The following MYO7B variants were observed in gnomAD, a reference collection of about 807,000 sequenced individuals.
MYO7B encodes myosin VIIB.
A neutral mutation model predicts 259.7 loss-of-function variants in MYO7B; 212 were observed. That is an observed-to-expected ratio of 0.82 (90% CI 0.73 to 0.91). The LOEUF is 0.91. Among genes scored for constraint, MYO7B ranks in the 40% least tolerant of loss-of-function variants. The pLI is 0.00. For missense variants in MYO7B, 2,732 were observed against 2,813.5 expected, an observed-to-expected ratio of 0.97 and a Z score of 0.66; for synonymous variants, 1,197 against 1,166.4, an observed-to-expected ratio of 1.03 and a Z score of -0.54.
chr2:127,578,371 C>T, intron 9 of MYO7B, 85 bp downstream of exon 9: 1 of 1,533,736 alleles, frequency 6.5e-7, no homozygotes, highest in Non-Finnish European at 8.9e-7. Context: ...GGGGTTCTCA[C>T]AGGAAGGATC....
intron 2 of MYO7B, among the ~76,000 whole-genome samples, chr2:127,563,365 G>A (rs1678184171): frequency 6.6e-6 from 1 of 152,198 alleles, no homozygotes; most frequent in Non-Finnish European, 1.5e-5. Context: ...TTCATGAGGT[G>A]TCAATGCCAC....
At chr2:127,612,708 G>A in intron 26 of MYO7B, 105 bp downstream of exon 26, 1 of 1,477,164 alleles carries the variant, frequency 6.8e-7, no homozygotes, top group Non-Finnish European at 9.0e-7. Context: ...ACACCTCCTT[G>A]TCCTGCGGCC....
rs1346836253 is a variant in MYO7B, at chr2:127,576,808, T to TGGCC, written c.849+103_849+106dup. On this transcript the variant is annotated intron_variant, in intron 8 of 47. Transcript: ENST00000409816. This position sits in a 1 kb window ranked among gnomAD's most constrained non-coding sequence, Gnocchi z 4.9. ...CGACAGCTGCAGAGAAGCCCAACGC[T>TGGCC]GGCCGGGCCCCTGAGGCGGGGCTGG... The TGGCC allele has an allele frequency of 1.2e-6, 1 of 817,794 alleles. No individual in the cohort carries two copies. Among genetic ancestry groups the TGGCC allele is most frequent in the Non-Finnish European group, 1.9e-6 (1 of 530,810 alleles). 50.7% of individuals were successfully genotyped at this position (817,794 alleles called of 1,614,324 possible). A position where few individuals can be genotyped will look rare whatever the true frequency, so the allele number is the denominator to read the frequency against.
intron 43 of MYO7B, 156 bp from the exon 44 acceptor site, chr2:127,635,566 A>G (rs1681753188): frequency 1.2e-6 from 1 of 818,448 alleles, no homozygotes; most frequent in Admixed American, 2.8e-5. Flanking sequence ...GCCCTGACTC[A>G]GGGTCATTCC....
In MYO7B at chr2:127,582,129, G is replaced by A. The variant is rs1288788294; in HGVS notation, c.1200+119G>A. 3.3e-6 allele frequency: 5 copies of A among 1,516,628 alleles called. No individual in the cohort carries two copies. The African/African-American group carries it at 5.5e-5, about 17-fold the overall frequency. 93.9% of individuals were successfully genotyped at this position (1,516,628 alleles called of 1,614,324 possible). On this transcript the variant is annotated intron_variant, in intron 11 of 47. Coordinates refer to ENST00000409816, the MANE Select transcript of MYO7B (RefSeq NM_001393586.1). Reference sequence around the variant, plus strand: ...CCCTGGGCAGGTCCCCACTCTGCCAGTCACCTGCCTGGTGACCATGGACTC... The same window carrying A: ...CCCTGGGCAGGTCCCCACTCTGCCAATCACCTGCCTGGTGACCATGGACTC...
chr2:127,621,943 C>A, intron 27 of MYO7B, 39 bp from the exon 28 acceptor site: 2 of 1,551,648 alleles, frequency 1.3e-6, no homozygotes, highest in South Asian at 1.2e-5. Flanking sequence ...GGCCTCCTTT[C>A]TGAGTGTCTT....
Position 127,546,081 on chromosome 2 carries a change from G to T in MYO7B, c.-24+10250G>T, listed in dbSNP as rs887573882. Among the ~76,000 whole-genome samples, 6 of 152,226 alleles carry T rather than the reference G, an allele frequency of 3.9e-5. No homozygotes were observed. The highest frequency in any genetic ancestry group is 1.4e-4 in the African/African-American group (6 of 41,462). ...GGGAGCAGGGAATAGGCAGTCAGCT[G>T]GTGGCATAGGAGAACTTCCAAGTCT... On this transcript the variant is annotated intron_variant, in intron 1 of 47. Coordinates refer to ENST00000409816, the MANE Select transcript of MYO7B (RefSeq NM_001393586.1). This position sits in a 1 kb window ranked among gnomAD's most constrained non-coding sequence, Gnocchi z 4.2.
At chr2:127,547,486 C>G (rs1297472422) in intron 1 of MYO7B, among the ~76,000 whole-genome samples, 1 of 152,128 alleles carries the variant, frequency 6.6e-6, no homozygotes, top group Admixed American at 6.6e-5. Flanking sequence ...TCAGGAACTG[C>G]ATGATATTCA....
intron 42 of MYO7B, 119 bp downstream of exon 42, chr2:127,634,802 T>C: frequency 1.9e-6 from 2 of 1,034,972 alleles, no homozygotes; most frequent in Non-Finnish European, 2.9e-6. Flanking sequence ...TGTCCCTGGG[T>C]TGTGGGAACA....
Position 127,637,422 on chromosome 2 carries a change from G to C in MYO7B, c.*5G>C, listed in dbSNP as rs773296158. On this transcript the variant is annotated 3_prime_UTR_variant, in exon 48 of 48. Transcript: ENST00000409816. ...CCAGCCCTGGCCAGCACCTAGCAGC[G>C]GATGCTGGCGTGTCTGCTCAGGCGC... The C allele has an allele frequency of 3.3e-6, 5 of 1,506,294 alleles. No homozygotes were observed. Among genetic ancestry groups the C allele is most frequent in the Non-Finnish European group, 4.4e-6 (5 of 1,125,732 alleles). The allele number at this position is 1,506,294 out of a possible 1,614,324, so 93.3% of individuals were successfully genotyped here. A position where few individuals can be genotyped will look rare whatever the true frequency, so the allele number is the denominator to read the frequency against.
Position 127,571,308 on chromosome 2 carries a change from C to A in MYO7B, c.592+1398C>A, listed in dbSNP as rs138689982. On this transcript the variant is annotated intron_variant, in intron 6 of 47. Coordinates refer to ENST00000409816, the MANE Select transcript of MYO7B (RefSeq NM_001393586.1). Reference sequence around the variant, plus strand: ...TGGAGCATGCTTGTAACTCCCGTGGCCCTGACGACTAAGGATGTTAGCGTC... The same window carrying A: ...TGGAGCATGCTTGTAACTCCCGTGGACCTGACGACTAAGGATGTTAGCGTC... Among the ~76,000 whole-genome samples the A allele has an allele frequency of 1.9e-3, 282 of 152,230 alleles. 1 individual carries two copies. Among genetic ancestry groups the A allele is most frequent in the African/African-American group, 6.4e-3 (265 of 41,526 alleles).
intron 17 of MYO7B, among the ~76,000 whole-genome samples, 197 bp downstream of exon 17, chr2:127,593,143 C>T (rs1223014204): frequency 1.3e-5 from 2 of 152,198 alleles, no homozygotes; most frequent in African/African-American, 4.8e-5. Context: ...AGTGAGGGGG[C>T]TTTCCCTGGG....
chr2:127,584,795 GC>G lies in MYO7B; in HGVS notation c.1573del (p.Leu525CysfsTer4), dbSNP rs1384356460. The stretch of plus-strand genomic sequence containing the variant: ...TCTTCCAGGGGACAGATCTCACCAT[GC>G]TGCAAAAGCTGAACAGCGTCCATGC... ...RFPQGTDLTMLQKLNSVHANN... is the reference protein window; with the variant it reads ...RFPQGTDLTMXQKLNSVHANN... On this transcript the variant is annotated frameshift_variant, in exon 14 of 48. Coordinates refer to ENST00000409816, the MANE Select transcript of MYO7B (RefSeq NM_001393586.1). LOFTEE classifies it high-confidence loss of function. This position sits in a 1 kb window ranked among gnomAD's most constrained non-coding sequence, Gnocchi z 5.8. 5 of 1,613,812 alleles carry G rather than the reference GC, an allele frequency of 3.1e-6. No individual in the cohort carries two copies. The African/African-American group carries it at 6.7e-5, about 22-fold the overall frequency.
At chr2:127,549,426 C>T (rs957791773) in intron 1 of MYO7B, among the ~76,000 whole-genome samples, 5 of 152,100 alleles carry the variant, frequency 3.3e-5, no homozygotes, top group Admixed American at 3.3e-4. Context: ...AGGTAGTGAG[C>T]GTGGCACTCA....
rs144701865 is a variant in MYO7B at position 127,637,206 on chromosome 2, C to T, written c.6328-110C>T. The T allele has an allele frequency of 7.4e-6, 7 of 948,164 alleles. No homozygotes were observed. In the African/African-American group the frequency reaches 1.1e-4, roughly 15 times the overall value. 58.7% of individuals were successfully genotyped at this position (948,164 alleles called of 1,614,324 possible). ...AATGGCAGGAGCCCGCCTTCCCTTT[C>T]TCCATGCCCTGCACTGCTGGTTGCT... On this transcript the variant is annotated intron_variant, in intron 47 of 47. Transcript: ENST00000409816.
chr2:127,563,851 A>G lies in MYO7B; in HGVS notation c.19-302A>G, dbSNP rs1678208215. ...CCACTCAGCCACACCACCTTCCTAA[A>G]TAGTAGCCAAGTTTCTTTTTCATTA... On this transcript the variant is annotated intron_variant, in intron 2 of 47. Transcript: ENST00000409816. Among the ~76,000 whole-genome samples, 3 of 152,180 alleles carry G rather than the reference A, an allele frequency of 2.0e-5. No individual in the cohort carries two copies. In the South Asian group the frequency reaches 6.2e-4, roughly 32 times the overall value.
In MYO7B at chr2:127,628,919, A is replaced by G. The variant is rs1355646033; in HGVS notation, c.4624+384A>G. On this transcript the variant is annotated intron_variant, in intron 34 of 47. Coordinates refer to ENST00000409816, the MANE Select transcript of MYO7B (RefSeq NM_001393586.1). This position sits in a 1 kb window ranked among gnomAD's most constrained non-coding sequence, Gnocchi z 4.8. The stretch of plus-strand genomic sequence containing the variant: ...CAGACGTGAGGCCAGAGGCCCAGAG[A>G]TGGAAGTAGCTCACCCAGGGTCACA... Among the ~76,000 whole-genome samples, 7 of 152,174 alleles carry G rather than the reference A, an allele frequency of 4.6e-5. No individual in the cohort carries two copies.
chr2:127,588,442 G>T lies in MYO7B; in HGVS notation c.1741G>T (p.Val581Phe), dbSNP rs947174362. ...GCTGAGCACAGATATCCTCACCCTG[G>T]TTTACTCCTCCAAAAACAAGTTTCT... ...DVLSTDILTL[V>F]YSSKNKFLRE... Residue 581 changes from valine (V) to phenylalanine (F), a missense_variant, in exon 15 of 48, where the codon GTT (valine) becomes TTT (phenylalanine). Physicochemically the swap from Val to Phe is conservative, Grantham distance 50 (BLOSUM62 -1). This residue lies in a region of MYO7B where 1,906 missense variants were observed against 2,026.4 expected (regional missense o/e 0.94). Transcript: ENST00000409816. The T allele has an allele frequency of 1.9e-6, 3 of 1,613,192 alleles. No individual in the cohort carries two copies. The highest frequency in any genetic ancestry group is 2.5e-6 in the Non-Finnish European group (3 of 1,179,858).
At position 127,584,628 on chromosome 2, in the gene MYO7B, T is replaced by A. The variant is rs542684575; in HGVS notation, c.1555-150T>A. 25 of 962,164 alleles carry A rather than the reference T, an allele frequency of 2.6e-5. No homozygotes were observed. The African/African-American group carries it at 3.6e-4, about 14-fold the overall frequency. 59.6% of individuals were successfully genotyped at this position (962,164 alleles called of 1,614,324 possible). A position where few individuals can be genotyped will look rare whatever the true frequency, so the allele number is the denominator to read the frequency against. The stretch of plus-strand genomic sequence containing the variant: ...GCCCTCACTCCCTGCAACAAGTCAC[T>A]GACCCCTGGGCATTAGTTTCCTGTC... On this transcript the variant is annotated intron_variant, in intron 13 of 47. Coordinates refer to ENST00000409816, the MANE Select transcript of MYO7B (RefSeq NM_001393586.1). The surrounding 1 kb of genome is among the most constrained non-coding windows in gnomAD (Gnocchi z 5.8).
Sources: gnomAD v4.1 joint callset for allele counts (sites outside exome capture counted in the v4.1 genomes callset) on GRCh38, gnomAD v4.1.1 for gene constraint, gnomAD v4.1.1 regional missense constraint, Gnocchi (gnomAD v3.1) non-coding constraint, MANE v1.5 for transcripts, NCBI Gene and HGNC (gene_info 2026-07-23, HGNC 2026-07-21) for gene names.